Variants in HPGDS observed in about 807,000 individuals in gnomAD.
HPGDS encodes hematopoietic prostaglandin D synthase, also known as GST class-sigma.
HPGDS carries 26 observed loss-of-function variants against 23.1 expected under a neutral mutation model. The ratio of observed to expected loss-of-function variants is 1.13; its 90% CI spans 0.83 to 1.56. HPGDS has a LOEUF of 1.56. HPGDS is among the 40% of genes most tolerant of loss of function. The probability of loss-of-function intolerance (pLI) is 0.00; values close to 1 mark genes in which losing one functional copy is unlikely to be tolerated. For synonymous variants in HPGDS, 95 were observed against 77.9 expected (o/e 1.22, Z -1.16); for missense variants, 268 against 236.4 (o/e 1.13, Z -0.88).
chr4:94,307,096 C>T (rs1299813444), intron 4 of HPGDS, among the ~76,000 whole-genome samples: 1 of 152,044 alleles, frequency 6.6e-6, no homozygotes, highest in Non-Finnish European at 1.5e-5. Context: ...TCAAACTTCT[C>T]AACAGCCTTT....
intron 4 of HPGDS, chr4:94,304,021 ACTT>A (rs1756095459): frequency 7.9e-6 from 1 of 125,914 alleles, no homozygotes; most frequent in Non-Finnish European, 1.7e-5. Flanking sequence ...ATTTGATTAC[ACTT>A]CTTTTTTTTT....
At chr4:94,320,287 T>A (rs150157317) in intron 2 of HPGDS, among the ~76,000 whole-genome samples, 6 of 152,194 alleles carry the variant, frequency 3.9e-5, no homozygotes, top group African/African-American at 1.4e-4. Flanking sequence ...AGTAATGGGA[T>A]CACTGGGTCA....
At chr4:94,340,630 G>C (rs11943938) in intron 1 of HPGDS, among the ~76,000 whole-genome samples, 112,314 of 112,388 alleles carry the variant, frequency 1, 56,123 homozygotes, top group Middle Eastern at 1. Context: ...TGAGCCACCG[G>C]GCCCGGCCCG....
At chr4:94,335,147 C>A (rs925376679) in intron 1 of HPGDS, among the ~76,000 whole-genome samples, 2 of 152,174 alleles carry the variant, frequency 1.3e-5, no homozygotes, top group African/African-American at 4.8e-5. Context: ...TCTTTCCTCA[C>A]CTGTGGCTTT....
In HPGDS at chr4:94,302,172, C is replaced by A; in HGVS notation, c.409G>T (p.Gly137Trp). 1 of 1,611,570 alleles carries A rather than the reference C, an allele frequency of 6.2e-7. No individual in the cohort carries two copies. The highest frequency in any genetic ancestry group is 1.7e-5 in the Admixed American group (1 of 59,966). ...LMQDLDTYLGGREWLIGNSVT... is the reference protein window; with the variant it reads ...LMQDLDTYLGWREWLIGNSVT... Reference sequence around the variant, plus strand: ...GAGTTACCAATAAGCCATTCTCTCCCCCCTAAATATGTGTCCAAGTCTTGC... The same window carrying A: ...GAGTTACCAATAAGCCATTCTCTCCACCCTAAATATGTGTCCAAGTCTTGC... Residue 137 changes from glycine (G) to tryptophan (W), a missense_variant, in exon 5 of 6, where the codon GGG becomes TGG. Physicochemically the swap from Gly to Trp is radical, Grantham distance 184. Coordinates refer to ENST00000295256, the MANE Select transcript of HPGDS (RefSeq NM_014485.3).
chr4:94,314,981 G>T (rs1344763690), intron 3 of HPGDS, among the ~76,000 whole-genome samples: 1 of 152,228 alleles, frequency 6.6e-6, no homozygotes, highest in African/African-American at 2.4e-5. Context: ...TGCTAAGACT[G>T]TCGGAAACGC....
intron 1 of HPGDS, among the ~76,000 whole-genome samples, chr4:94,338,603 A>G (rs185360153): frequency 1.1e-3 from 171 of 152,176 alleles, no homozygotes; most frequent in African/African-American, 4.0e-3. Flanking sequence ...TTAACCATAT[A>G]AAGAGTCTCT....
At chr4:94,324,429 G>T (rs532203458) in intron 2 of HPGDS, among the ~76,000 whole-genome samples, 9 of 151,594 alleles carry the variant, frequency 5.9e-5, no homozygotes, top group Non-Finnish European at 1.2e-4. Context: ...TCACATAGTC[G>T]CATGTTTCTT....
At chr4:94,321,704 T>C (rs2126041496) in intron 2 of HPGDS, among the ~76,000 whole-genome samples, 1 of 152,356 alleles carries the variant, frequency 6.6e-6, no homozygotes, top group Non-Finnish European at 1.5e-5. Context: ...TCATGTCATC[T>C]GAAAACAGGG....
chr4:94,299,427 C>T lies in HPGDS; in HGVS notation c.*53G>A, dbSNP rs1755986730. Reference sequence around the variant, plus strand: ...TGGCAGGCTGATGTAGCTGTCTTATCTGATGAGAGAGATGCCCCCGAGAAA... The same window carrying T: ...TGGCAGGCTGATGTAGCTGTCTTATTTGATGAGAGAGATGCCCCCGAGAAA... On this transcript the variant is annotated 3_prime_UTR_variant, in exon 6 of 6. Transcript: ENST00000295256. 2 of 1,510,494 alleles carry T rather than the reference C, an allele frequency of 1.3e-6. No homozygotes were observed. Among genetic ancestry groups the T allele is most frequent in the Non-Finnish European group, 1.8e-6 (2 of 1,116,340 alleles). 93.6% of individuals were successfully genotyped at this position (1,510,494 alleles called of 1,614,324 possible).
chr4:94,332,350 G>A (rs1346902292), intron 2 of HPGDS, among the ~76,000 whole-genome samples: 1 of 152,230 alleles, frequency 6.6e-6, no homozygotes, highest in African/African-American at 2.4e-5. Context: ...GACCCACCAA[G>A]TACAGGGAAC....
chr4:94,326,354 G>A (rs1756631655), intron 2 of HPGDS, among the ~76,000 whole-genome samples: 1 of 151,994 alleles, frequency 6.6e-6, no homozygotes, highest in African/African-American at 2.4e-5. Context: ...AAACATTTGG[G>A]TGCTTTATGG....
chr4:94,301,855 ATGTATTCTG>A (rs1756047022), intron 5 of HPGDS, among the ~76,000 whole-genome samples: 1 of 152,068 alleles, frequency 6.6e-6, no homozygotes, highest in South Asian at 2.1e-4. Context: ...TAGAGTACAT[ATGTATTCTG>A]TGTGTTCTCT....
chr4:94,331,629 G>T (rs527811351), intron 2 of HPGDS, among the ~76,000 whole-genome samples: 1 of 152,218 alleles, frequency 6.6e-6, no homozygotes, highest in African/African-American at 2.4e-5. Flanking sequence ...TAGCCTGGTT[G>T]TAGCCTTCTG....
intron 1 of HPGDS, among the ~76,000 whole-genome samples, chr4:94,341,057 G>A (rs1721161069): frequency 6.6e-6 from 1 of 151,412 alleles, no homozygotes; most frequent in Non-Finnish European, 1.5e-5. Context: ...TGTTGGCCAG[G>A]ACCTCCTAAC....
intron 4 of HPGDS, among the ~76,000 whole-genome samples, chr4:94,304,269 C>A (rs1756100826): frequency 6.6e-6 from 1 of 152,060 alleles, no homozygotes; most frequent in African/African-American, 2.4e-5. Context: ...TCAGAATGTC[C>A]TCAGGCCTTC....
At chr4:94,314,695 G>C (rs1756357691) in intron 3 of HPGDS, among the ~76,000 whole-genome samples, 3 of 152,314 alleles carry the variant, frequency 2.0e-5, no homozygotes, top group Non-Finnish European at 4.4e-5. Flanking sequence ...AGTCTGCAGA[G>C]GTTTCTGCTG....
chr4:94,317,563 T>G (rs748947354), intron 3 of HPGDS, among the ~76,000 whole-genome samples: 2 of 152,154 alleles, frequency 1.3e-5, no homozygotes, highest in African/African-American at 4.8e-5. Flanking sequence ...ACTTACCATA[T>G]GCAAACTAGC....
At chr4:94,330,038 C>G (rs1756707720) in intron 2 of HPGDS, among the ~76,000 whole-genome samples, 1 of 152,158 alleles carries the variant, frequency 6.6e-6, no homozygotes, top group Non-Finnish European at 1.5e-5. Context: ...ACACTGTGTT[C>G]TCCATAGGTA....
Sources: gnomAD v4.1 joint callset for allele counts (sites outside exome capture counted in the v4.1 genomes callset) on GRCh38, gnomAD v4.1.1 for gene constraint, MANE v1.5 for transcripts, NCBI Gene and HGNC (gene_info 2026-07-23, HGNC 2026-07-21) for gene names.